Variants in SLC36A1 observed in about 807,000 individuals in gnomAD.
SLC36A1 encodes solute carrier family 36 member 1, also known as proton-coupled amino acid transporter 1.
In SLC36A1, 30 loss-of-function variants were observed where a neutral mutation model predicts 47.5. The observed-to-expected ratio is 0.63, with a 90% CI of 0.47 to 0.86. The LOEUF is 0.86. Among genes scored for constraint, SLC36A1 ranks in the 40% least tolerant of loss-of-function variants. The pLI is 0.00. For missense variants in SLC36A1, 517 were observed against 606.0 expected (o/e 0.85, Z 1.54); for synonymous variants, 255 against 249.7 (o/e 1.02, Z -0.20).
At chr5:151,440,402 CT>C (rs1168521336) in intron 1 of SLC36A1, among the ~76,000 whole-genome samples, 1 of 152,002 alleles carries the variant, frequency 6.6e-6, no homozygotes, top group Non-Finnish European at 1.5e-5. Flanking sequence ...GGGCAGTGGT[CT>C]TAACAGAGAG....
At chr5:151,499,872 C>T in the SLC36A1 span, among the ~76,000 whole-genome samples, 26 of 152,192 alleles carry the variant, frequency 1.7e-4, 1 homozygote, top group Non-Finnish European at 1.5e-5. Context: ...TTGTCTGGCT[C>T]CTGAAACCAC....
the SLC36A1 span, among the ~76,000 whole-genome samples, chr5:151,388,662 T>C: frequency 4.5e-5 from 6 of 132,930 alleles, no homozygotes; most frequent in African/African-American, 2.0e-4. Flanking sequence ...TCAGAATAAA[T>C]CTCTTCAAAT....
the SLC36A1 span, among the ~76,000 whole-genome samples, chr5:151,405,018 C>G: frequency 6.6e-6 from 1 of 152,196 alleles, no homozygotes; most frequent in Admixed American, 6.5e-5. Flanking sequence ...ACTTCTCTCT[C>G]AAGAATGCCG....
chr5:151,532,008 C>T, the SLC36A1 span: 62 of 1,605,548 alleles, frequency 3.9e-5, no homozygotes, highest in African/African-American at 5.3e-5. Flanking sequence ...ACACTGAGGG[C>T]GCCTCCTCTG....
chr5:151,394,176 T>C, the SLC36A1 span, among the ~76,000 whole-genome samples: 1 of 152,246 alleles, frequency 6.6e-6, no homozygotes, highest in Non-Finnish European at 1.5e-5. Context: ...CTGATACCCT[T>C]TCTTCCAGTT....
At chr5:151,435,798 A>C (rs1263458323), upstream of SLC36A1, among the ~76,000 whole-genome samples, 1 of 151,948 alleles carries the variant, frequency 6.6e-6, no homozygotes, top group East Asian at 1.9e-4. Context: ...GATATAGAAT[A>C]AAATAACAAG....
At chr5:151,390,892 T>C in the SLC36A1 span, among the ~76,000 whole-genome samples, 4 of 152,274 alleles carry the variant, frequency 2.6e-5, no homozygotes, top group African/African-American at 9.6e-5. Context: ...CAATGCAGGC[T>C]CTTTTTTGTT....
At chr5:151,545,199 A>G in the SLC36A1 span, 2 of 1,614,088 alleles carry the variant, frequency 1.2e-6, no homozygotes, top group African/African-American at 2.7e-5. Context: ...TCTCCTTCAC[A>G]GCTGCCCAGT....
chr5:151,549,889 T>G, the SLC36A1 span, among the ~76,000 whole-genome samples: 8 of 152,320 alleles, frequency 5.3e-5, no homozygotes, highest in African/African-American at 1.9e-4. Context: ...CAAACAGTTT[T>G]CTTTGTTGCA....
the SLC36A1 span, among the ~76,000 whole-genome samples, chr5:151,366,877 G>A: frequency 2.0e-5 from 3 of 152,150 alleles, no homozygotes; most frequent in Admixed American, 6.5e-5. Flanking sequence ...ATCACATATC[G>A]GTAAGACCGT....
the SLC36A1 span, among the ~76,000 whole-genome samples, chr5:151,421,631 C>A: frequency 1.3e-5 from 2 of 151,100 alleles, no homozygotes; most frequent in East Asian, 3.9e-4. Flanking sequence ...CTCTGTCACC[C>A]AGGCTCTGGA....
chr5:151,374,783 C>T, the SLC36A1 span, among the ~76,000 whole-genome samples: 1 of 151,984 alleles, frequency 6.6e-6, no homozygotes, highest in Admixed American at 6.6e-5. Flanking sequence ...ACTGGTGTAA[C>T]GTGATATTTC....
chr5:151,555,800 G>C, the SLC36A1 span, among the ~76,000 whole-genome samples: 1 of 152,186 alleles, frequency 6.6e-6, no homozygotes, highest in Non-Finnish European at 1.5e-5. Context: ...GAGATCATCA[G>C]TGAAGGACAG....
At chr5:151,403,788 C>T in the SLC36A1 span, among the ~76,000 whole-genome samples, 61,481 of 151,914 alleles carry the variant, frequency 0.4, 12,596 homozygotes, top group African/African-American at 0.47. Flanking sequence ...CAAGAGTATG[C>T]TTGGTATAAT....
chr5:151,430,578 C>A, the SLC36A1 span, among the ~76,000 whole-genome samples: 1 of 152,238 alleles, frequency 6.6e-6, no homozygotes, highest in East Asian at 1.9e-4. Context: ...CCTGCCTTGG[C>A]CTCCCAAAGT....
intron 8 of SLC36A1, among the ~76,000 whole-genome samples, chr5:151,474,178 A>AAAAAAAAAAAAAAAAG (rs776318482): frequency 5.9e-5 from 7 of 119,016 alleles, no homozygotes; most frequent in East Asian, 2.6e-4. Context: ...AAAAAAAAAA[A>AAAAAAAAAAAAAAAAG]AGAAATTATC....
chr5:151,388,149 A>G, the SLC36A1 span, among the ~76,000 whole-genome samples: 2 of 152,190 alleles, frequency 1.3e-5, no homozygotes, highest in South Asian at 4.1e-4. Context: ...AAGTCTGATA[A>G]GAAACATTTA....
intron 2 of SLC36A1, among the ~76,000 whole-genome samples, chr5:151,462,221 A>G (rs1207875599): frequency 2.0e-5 from 3 of 151,988 alleles, no homozygotes; most frequent in Admixed American, 6.6e-5. Context: ...TAGTGGTGAT[A>G]TTAACAAATA....
chr5:151,382,894 C>T, the SLC36A1 span, among the ~76,000 whole-genome samples: 1 of 152,240 alleles, frequency 6.6e-6, no homozygotes, highest in East Asian at 1.9e-4. Flanking sequence ...TTCTTCCTGA[C>T]CCCAAGGCCA....
Sources: allele counts gnomAD v4.1 joint callset (sites outside exome capture counted in the v4.1 genomes callset), GRCh38; gene constraint gnomAD v4.1.1; transcripts MANE v1.5; gene names NCBI Gene and HGNC (gene_info 2026-07-23, HGNC 2026-07-21).